ZNF418: variants seen among roughly 807,000 people sequenced by gnomAD.
The protein encoded by ZNF418 is zinc finger protein 418.
ZNF418 carries 32 observed loss-of-function variants against 32.0 expected under a neutral mutation model. The ratio of observed to expected loss-of-function variants is 1.00; its 90% CI spans 0.75 to 1.34. The LOEUF (loss-of-function observed/expected upper bound fraction) is 1.34, where lower values mean the gene tolerates loss of function less well. Among genes scored for constraint, ZNF418 ranks in the 40% most tolerant of loss-of-function variants. ZNF418 has a pLI of 0.00. For synonymous variants in ZNF418, 276 were observed against 270.7 expected (o/e 1.02, Z -0.19); for missense variants, 804 against 812.5 (o/e 0.99, Z 0.13).
rs2072320180 is a variant in ZNF418 at position 57,927,971 on chromosome 19, G to A, written c.210C>T (p.Ser70=). The A allele has an allele frequency of 6.2e-7, 1 of 1,608,912 alleles. No homozygotes were observed. The highest frequency in any genetic ancestry group is 1.3e-5 in the African/African-American group (1 of 74,806). ...TGGGAGACACACCTGCCCCAGGAGT[G>A]CTGACCTGAGACACTCTTTGTATAG... ...SISIQRVSQV[S]TPGAGVSPKK... The change falls in exon 4 of 6, where the codon AGC becomes AGT. Residue 70 remains serine, a synonymous_variant. Coordinates refer to ENST00000396147, the MANE Select transcript of ZNF418 (RefSeq NM_133460.3).
At chr19:57,928,972 C>T (rs549897941) in intron 3 of ZNF418, among the ~76,000 whole-genome samples, 7 of 150,770 alleles carry the variant, frequency 4.6e-5, no homozygotes, top group East Asian at 2.0e-4. Flanking sequence ...CCAGCCTGGG[C>T]GACAAAGAGA....
chr19:57,928,152 T>G (rs1297069322), intron 3 of ZNF418, 105 bp from the exon 4 acceptor site: 17 of 998,570 alleles, frequency 1.7e-5, no homozygotes, highest in Non-Finnish European at 2.5e-5. Flanking sequence ...ATGGAAATAT[T>G]TGCAGGAACA....
chr19:57,930,605 C>T (rs775327782), intron 2 of ZNF418, 51 bp from the exon 3 acceptor site: 81 of 1,609,524 alleles, frequency 5.0e-5, no homozygotes, highest in Non-Finnish European at 6.6e-5. Context: ...TGCTGAGGTA[C>T]CACAATCCAC....
chr19:57,934,975 G>C, intron 1 of ZNF418, 186 bp downstream of exon 1: 4 of 1,408,350 alleles, frequency 2.8e-6, no homozygotes, highest in South Asian at 1.3e-5. Flanking sequence ...AGCCCGCGCC[G>C]GTCCCTGTGC....
rs988998423 is a variant in ZNF418, at chr19:57,935,393, T to G, written c.-313A>C. On this transcript the variant is annotated 5_prime_UTR_variant, in exon 1 of 6. Transcript: ENST00000396147. ...CAAAATGGTCGCTACCAGAGAACGC[T>G]GAGAATCCCGCCACTACGTTACGTG... is the stretch of plus-strand genomic sequence containing the variant. The G allele has an allele frequency of 4.6e-6, 1 of 215,794 alleles. No individual in the cohort carries two copies. Among genetic ancestry groups the G allele is most frequent in the Non-Finnish European group, 8.4e-6 (1 of 119,376 alleles). 13.4% of individuals were successfully genotyped at this position (215,794 alleles called of 1,614,324 possible).
In ZNF418 at chr19:57,930,412, G is replaced by A. The variant is rs1309173665; in HGVS notation, c.133+16C>T. 1.9e-6 allele frequency: 3 copies of A among 1,613,944 alleles called. No homozygotes were observed. The highest frequency in any genetic ancestry group is 1.1e-5 in the South Asian group (1 of 91,074). On this transcript the variant is annotated intron_variant, in intron 3 of 5. Coordinates refer to ENST00000396147, the MANE Select transcript of ZNF418 (RefSeq NM_133460.3). ...GAGATCTATTCAGGAAATAGGGTAG[G>A]GTGTGAGGAACTTACCCAGGGAGGA...
Position 57,926,785 on chromosome 19 carries a change from T to A in ZNF418, c.1396A>T (p.Lys466Ter). Reference sequence around the variant, plus strand: ...CTCTGGTGTTCAATGAGGTGGGACTTGCCCCTAAATAATTTCCTACACTCT... The same window carrying A: ...CTCTGGTGTTCAATGAGGTGGGACTAGCCCCTAAATAATTTCCTACACTCT... ...CRECRKLFRGKSHLIEHQRVH... is the reference protein window; with the variant it reads ...CRECRKLFRG The change falls in exon 4 of 6, where the codon AAG becomes TAG. Residue 466 changes from lysine to a stop codon, truncating the protein, a stop_gained. Coordinates refer to ENST00000396147, the MANE Select transcript of ZNF418 (RefSeq NM_133460.3). LOFTEE classifies it low-confidence loss of function (END_TRUNC). 6.2e-7 allele frequency: 1 copy of A among 1,614,138 alleles called. No homozygotes were observed. The highest frequency in any genetic ancestry group is 8.5e-7 in the Non-Finnish European group (1 of 1,180,012).
In ZNF418 at chr19:57,926,199, GAA is replaced by G; in HGVS notation, c.1980_1981del (p.Leu662ProfsTer114). The G allele has an allele frequency of 6.2e-7, 1 of 1,614,058 alleles. No individual in the cohort carries two copies. The highest frequency in any genetic ancestry group is 1.1e-5 in the South Asian group (1 of 91,080). On this transcript the variant is annotated frameshift_variant, in exon 4 of 6. Transcript: ENST00000396147. LOFTEE classifies it low-confidence loss of function (END_TRUNC). ...GTGAACTCTCTGATGTCGAAGGAGA[GAA>G]GAGCTTCGATGAAATGATTTTCCAC...
chr19:57,930,309 A>T, intron 3 of ZNF418, 119 bp downstream of exon 3: 1 of 1,489,980 alleles, frequency 6.7e-7, no homozygotes. Context: ...CTACCCAGAG[A>T]AGTGGAGAAG....
In ZNF418 at chr19:57,927,429, A is replaced by C; in HGVS notation, c.752T>G (p.Val251Gly). The change falls in exon 4 of 6, where the codon GTT becomes GGT. Residue 251 changes from valine (V) to glycine (G), a missense_variant. This residue lies in a region of ZNF418 where 307 missense variants were observed against 304.9 expected (regional missense o/e 1.01). Coordinates refer to ENST00000396147, the MANE Select transcript of ZNF418 (RefSeq NM_133460.3). Reference sequence around the variant, plus strand: ...TTCATAAGGTCTTTTCCCAGTGTGAACTCTCTGATGATTACTGACGCTATC... The same window carrying C: ...TTCATAAGGTCTTTTCCCAGTGTGACCTCTCTGATGATTACTGACGCTATC... ...KYDSVSNHQRVHTGKRPYECG... is the reference protein window; with the variant it reads ...KYDSVSNHQRGHTGKRPYECG... The C allele has an allele frequency of 6.2e-7, 1 of 1,614,136 alleles. No individual in the cohort carries two copies. The highest frequency in any genetic ancestry group is 8.5e-7 in the Non-Finnish European group (1 of 1,180,022).
At chr19:57,929,278 G>T (rs570808588) in intron 3 of ZNF418, among the ~76,000 whole-genome samples, 2 of 152,318 alleles carry the variant, frequency 1.3e-5, no homozygotes, top group South Asian at 2.1e-4. Flanking sequence ...TTTCTGATAC[G>T]ATTTGAAGAA....
chr19:57,927,617 G>T lies in ZNF418; in HGVS notation c.564C>A (p.Ser188Arg). 6.2e-7 allele frequency: 1 copy of T among 1,614,004 alleles called. No homozygotes were observed. The highest frequency in any genetic ancestry group is 8.5e-7 in the Non-Finnish European group (1 of 1,179,908). Residue 188 changes from serine (S) to arginine (R), a missense_variant, in exon 4 of 6, where the codon AGC (serine) becomes AGA (arginine). Around this residue, in one of 3 missense-constraint regions of ZNF418, gnomAD observed 307 missense variants for 304.9 expected, o/e 1.01. Coordinates refer to ENST00000396147, the MANE Select transcript of ZNF418 (RefSeq NM_133460.3). ...EATHTGEKSNSKPECESPFQW... is the reference protein window; with the variant it reads ...EATHTGEKSNRKPECESPFQW... ...GAAAGGGAGACTCACACTCAGGTTT[G>T]CTGTTTGACTTCTCCCCAGTGTGAG...
At chr19:57,923,567 T>C (rs145254357) in intron 4 of ZNF418, among the ~76,000 whole-genome samples, 3,522 of 130,084 alleles carry the variant, frequency 0.027, 124 homozygotes, top group African/African-American at 0.093. Context: ...CACACACACA[T>C]ATATACACAT....
chr19:57,927,515 C>T lies in ZNF418; in HGVS notation c.666G>A (p.Gln222=). Residue 222 remains glutamine, a synonymous_variant, in exon 4 of 6, where the codon CAG becomes CAA. Coordinates refer to ENST00000396147, the MANE Select transcript of ZNF418 (RefSeq NM_133460.3). ...AACATTCCTCTCTAGAGGGAAGTCT[C>T]TGCTGTTGAACAAATACGTGTTTGG... ...SSTKHVFVQQ[Q]RLPSREECYC... The T allele has an allele frequency of 6.2e-7, 1 of 1,614,232 alleles. No homozygotes were observed.
At chr19:57,923,507 C>CAT (rs2072082331) in intron 4 of ZNF418, among the ~76,000 whole-genome samples, 3 of 142,648 alleles carry the variant, frequency 2.1e-5, no homozygotes, top group East Asian at 2.0e-4. Flanking sequence ...CATATATACA[C>CAT]ACACATATAT....
Position 57,927,458 on chromosome 19 carries a change from T to C in ZNF418, c.723A>G (p.Lys241=). The part of the protein sequence containing the change: ...YCWECGKSFS[K]YDSVSNHQRV... Reference sequence around the variant, plus strand: ...TCTGATGATTACTGACGCTATCATATTTGCTAAAGGATTTCCCACATTCCC... The same window carrying C: ...TCTGATGATTACTGACGCTATCATACTTGCTAAAGGATTTCCCACATTCCC... Residue 241 remains lysine, a synonymous_variant, in exon 4 of 6, where the codon AAA becomes AAG. Coordinates refer to ENST00000396147, the MANE Select transcript of ZNF418 (RefSeq NM_133460.3). 6.2e-7 allele frequency: 1 copy of C among 1,614,250 alleles called. No homozygotes were observed. The highest frequency in any genetic ancestry group is 8.5e-7 in the Non-Finnish European group (1 of 1,180,046).
intron 2 of ZNF418, chr19:57,932,347 C>T: frequency 7.7e-7 from 1 of 1,303,116 alleles, no homozygotes; most frequent in Non-Finnish European, 1.1e-6. Flanking sequence ...ATCACATTGG[C>T]CTTTCATTTT....
intron 2 of ZNF418, among the ~76,000 whole-genome samples, chr19:57,933,286 A>T (rs1024596371): frequency 6.6e-6 from 1 of 152,170 alleles, no homozygotes; most frequent in African/African-American, 2.4e-5. Context: ...TCTATTAGAA[A>T]ATCTAGTTAC....
rs993210607 is a variant in ZNF418 at position 57,925,928 on chromosome 19, G to A, written c.*222C>T. On this transcript the variant is annotated 3_prime_UTR_variant, in exon 4 of 6. Coordinates refer to ENST00000396147, the MANE Select transcript of ZNF418 (RefSeq NM_133460.3). ...TGTACGTGTACAGTGTTTTCCTTAT[G>A]AGAACAATCTGTTATCCAATGACAG... is the stretch of plus-strand genomic sequence containing the variant. 57 of 553,722 alleles carry A rather than the reference G, an allele frequency of 1.0e-4. No individual in the cohort carries two copies. Among genetic ancestry groups the A allele is most frequent in the Non-Finnish European group, 1.6e-4 (51 of 313,252 alleles). The allele number at this position is 553,722 out of a possible 1,614,324, so 34.3% of individuals were successfully genotyped here. A position where few individuals can be genotyped will look rare whatever the true frequency, so the allele number is the denominator to read the frequency against.
Sources: allele counts gnomAD v4.1 joint callset (sites outside exome capture counted in the v4.1 genomes callset), GRCh38; gene constraint gnomAD v4.1.1; regional missense constraint gnomAD v4.1.1; transcripts MANE v1.5; gene names NCBI Gene and HGNC (gene_info 2026-07-23, HGNC 2026-07-21).